Variants in RAP1GAP2 observed in about 807,000 individuals in gnomAD.
RAP1GAP2 encodes the protein RAP1 GTPase activating protein 2.
In RAP1GAP2, 27 loss-of-function variants were observed where a neutral mutation model predicts 95.0. That is an observed-to-expected ratio of 0.28 (90% CI 0.21 to 0.39). The LOEUF is 0.39. Ranked by LOEUF, RAP1GAP2 falls within the 10% of genes least tolerant of loss-of-function variation. The pLI is 1.00. For synonymous variants in RAP1GAP2, 373 were observed against 380.9 expected (o/e 0.98, Z 0.24); for missense variants, 771 against 970.0 (o/e 0.79, Z 2.72).
chr17:2,791,700 A>G (rs753066073), upstream of RAP1GAP2, among the ~76,000 whole-genome samples: 2 of 152,044 alleles, frequency 1.3e-5, no homozygotes, highest in Non-Finnish European at 2.9e-5. Context: ...CAGGAGACTC[A>G]CAGATGCCGG....
Position 3,005,733 on chromosome 17 carries a change from G to A in RAP1GAP2, c.1273-222G>A, listed in dbSNP as rs1302921063. Among the ~76,000 whole-genome samples the A allele has an allele frequency of 6.6e-6, 1 of 152,184 alleles. No individual in the cohort carries two copies. Among genetic ancestry groups the A allele is most frequent in the Non-Finnish European group, 1.5e-5 (1 of 68,040 alleles). On this transcript the variant is annotated intron_variant, in intron 15 of 24. Coordinates refer to ENST00000254695, the MANE Select transcript of RAP1GAP2 (RefSeq NM_015085.5). The surrounding 1 kb of genome is among the most constrained non-coding windows in gnomAD (Gnocchi z 5.2). ...GAGCCTTGGGCAGGAATGAGCTCCA[G>A]TCGTGGAAGTGCCACTGTGGCTTCC...
Position 2,999,854 on chromosome 17 carries a change from T to G in RAP1GAP2, c.1200+1478T>G, listed in dbSNP as rs528654465. Among the ~76,000 whole-genome samples the G allele has an allele frequency of 4.6e-5, 7 of 151,998 alleles. No homozygotes were observed. In the East Asian group the frequency reaches 1.2e-3, roughly 25 times the overall value. The stretch of plus-strand genomic sequence containing the variant: ...CAGAAACCCAATAGCAACCCCCTCC[T>G]GTTGAGGCTGATTCCTTCATGCCCA... On this transcript the variant is annotated intron_variant, in intron 14 of 24. Coordinates refer to ENST00000254695, the MANE Select transcript of RAP1GAP2 (RefSeq NM_015085.5).
At chr17:2,995,279 G>C in intron 12 of RAP1GAP2, 58 bp from the exon 13 acceptor site, 2 of 1,562,944 alleles carry the variant, frequency 1.3e-6, no homozygotes, top group Non-Finnish European at 1.8e-6. Flanking sequence ...CTTGCATTAA[G>C]TTGCCCACTT....
rs914613258 is a variant in RAP1GAP2, at chr17:2,870,406, C to G, written c.81-34878C>G. Among the ~76,000 whole-genome samples, 1 of 152,002 alleles carries G rather than the reference C, an allele frequency of 6.6e-6. No homozygotes were observed. The highest frequency in any genetic ancestry group is 2.4e-5 in the African/African-American group (1 of 41,366). On this transcript the variant is annotated intron_variant, in intron 2 of 24. Coordinates refer to ENST00000254695, the MANE Select transcript of RAP1GAP2 (RefSeq NM_015085.5). This position sits in a 1 kb window ranked among gnomAD's most constrained non-coding sequence, Gnocchi z 4.4. ...TGCTGGGATTACAGGCATGAGCCAC[C>G]GTGCCCTGCCTGACAATCTGGTTTT...
At chr17:2,952,810 T>G (rs1265886767) in intron 3 of RAP1GAP2, among the ~76,000 whole-genome samples, 1 of 136,856 alleles carries the variant, frequency 7.3e-6, no homozygotes, top group African/African-American at 3.4e-5. Context: ...CATTTTTCTG[T>G]TTTTTTTTTC....
At chr17:2,799,852 C>T (rs1223552616) in intron 1 of RAP1GAP2, among the ~76,000 whole-genome samples, 3 of 152,186 alleles carry the variant, frequency 2.0e-5, no homozygotes, top group Non-Finnish European at 4.4e-5. Flanking sequence ...CTCAGCGGCG[C>T]TGTCTCCCCT....
intron 2 of RAP1GAP2, among the ~76,000 whole-genome samples, chr17:2,818,983 C>T (rs1235441946): frequency 3.3e-5 from 5 of 151,436 alleles, no homozygotes; most frequent in African/African-American, 1.2e-4. Context: ...TTACCATTAT[C>T]GTTCTGCATG....
chr17:3,017,916 C>CAT (rs71377570), intron 17 of RAP1GAP2, 145 bp from the exon 18 acceptor site: 17 of 562,126 alleles, frequency 3.0e-5, no homozygotes, highest in Non-Finnish European at 5.0e-5. Context: ...CCTCTGTGAC[C>CAT]GTGTGTGTGT....
intron 2 of RAP1GAP2, among the ~76,000 whole-genome samples, chr17:2,893,970 G>A (rs2151703584): frequency 6.6e-6 from 1 of 152,328 alleles, no homozygotes; most frequent in African/African-American, 2.4e-5. Context: ...CCCTTGGAGG[G>A]CTCCTGTTCA....
Position 2,758,641 on chromosome 17 carries a change from A to G in RAP1GAP2, c.50+2874A>G, listed in dbSNP as rs570117887. 8.5e-5 allele frequency among the ~76,000 whole-genome samples: 13 copies of G among 152,216 alleles called. No homozygotes were observed. In the South Asian group the frequency reaches 1.7e-3, roughly 19 times the overall value. On this transcript the variant is annotated intron_variant, in intron 1 of 25. Coordinates refer to the RAP1GAP2 transcript ENST00000637138. ...TCTCAATCCATGCCATGCTCCAGCCATGGCCAGCCATGCTCCAGCTGTGGC... is the reference window on the plus strand; with the variant it reads ...TCTCAATCCATGCCATGCTCCAGCCGTGGCCAGCCATGCTCCAGCTGTGGC...
Position 2,905,363 on chromosome 17 carries a change from A to G in RAP1GAP2, c.160A>G (p.Met54Val), listed in dbSNP as rs765537023. 4 of 1,612,842 alleles carry G rather than the reference A, an allele frequency of 2.5e-6. No homozygotes were observed. Among genetic ancestry groups the G allele is most frequent in the South Asian group, 1.1e-5 (1 of 91,056 alleles). The change falls in exon 3 of 25, where the codon ATG becomes GTG. Residue 54 changes from methionine to valine, a missense_variant. Coordinates refer to ENST00000254695, the MANE Select transcript of RAP1GAP2 (RefSeq NM_015085.5). ...LSPPLTAPPT[M>V]KSSEFFEMLE... The stretch of plus-strand genomic sequence containing the variant: ...CCCTCCTCTCACGGCACCTCCCACC[A>G]TGAAGGTAAGAGGCTTCGATTCAGG...
intron 2 of RAP1GAP2, among the ~76,000 whole-genome samples, chr17:2,860,804 C>T (rs1309224095): frequency 6.6e-6 from 1 of 151,794 alleles, no homozygotes; most frequent in African/African-American, 2.4e-5. Flanking sequence ...TGGGGTTTCA[C>T]CATGTTGGCC....
intron 2 of RAP1GAP2, among the ~76,000 whole-genome samples, chr17:2,856,253 A>G (rs2151606878): frequency 6.6e-6 from 1 of 152,298 alleles, no homozygotes; most frequent in South Asian, 2.1e-4. Flanking sequence ...TTCTGAGTAT[A>G]GAATGGGTGG....
In RAP1GAP2 at chr17:2,825,152, T is replaced by G. The variant is rs1243892416; in HGVS notation, c.80+24602T>G. On this transcript the variant is annotated intron_variant, in intron 2 of 24. Coordinates refer to ENST00000254695, the MANE Select transcript of RAP1GAP2 (RefSeq NM_015085.5). This position sits in a 1 kb window ranked among gnomAD's most constrained non-coding sequence, Gnocchi z 4.1. ...TCTTGCTATGCTGTCCAGGCTGGTC[T>G]TGAACTCCTGGCCTCAAGTGATCCT... Among the ~76,000 whole-genome samples the G allele has an allele frequency of 6.6e-6, 1 of 152,126 alleles. No homozygotes were observed. Among genetic ancestry groups the G allele is most frequent in the Non-Finnish European group, 1.5e-5 (1 of 68,034 alleles).
intron 2 of RAP1GAP2, among the ~76,000 whole-genome samples, chr17:2,826,736 G>T (rs9674692): frequency 0.39 from 59,324 of 151,984 alleles, 13,013 homozygotes; most frequent in African/African-American, 0.58. Flanking sequence ...GGCCGGGCGC[G>T]GTGGCTCACG....
chr17:2,989,540 C>T lies in RAP1GAP2; in HGVS notation c.814-1757C>T, dbSNP rs536210813. On this transcript the variant is annotated intron_variant, in intron 11 of 24. Transcript: ENST00000254695. ...TAGAGACTGGGTTTTGCCATGTTGG[C>T]CAGGCTGGTTTCGAACTCTGGACCT... Among the ~76,000 whole-genome samples the T allele has an allele frequency of 7.2e-5, 11 of 152,266 alleles. 1 individual carries two copies. In the South Asian group the frequency reaches 2.3e-3, roughly 32 times the overall value.
intron 16 of RAP1GAP2, among the ~76,000 whole-genome samples, 168 bp from the exon 17 acceptor site, chr17:3,007,843 C>G (rs545124492): frequency 8.5e-4 from 129 of 152,274 alleles, no homozygotes; most frequent in Non-Finnish European, 1.4e-3. Flanking sequence ...TTCATCTTAG[C>G]TGCAGCATTT....
chr17:2,920,450 T>A (rs1368397338), intron 3 of RAP1GAP2, among the ~76,000 whole-genome samples: 1 of 151,558 alleles, frequency 6.6e-6, no homozygotes, highest in African/African-American at 2.4e-5. Flanking sequence ...AGCCCCTGGG[T>A]CTGTGACATC....
At chr17:2,991,098 G>C (rs1423713374) in intron 11 of RAP1GAP2, among the ~76,000 whole-genome samples, 199 bp from the exon 12 acceptor site, 1 of 152,048 alleles carries the variant, frequency 6.6e-6, no homozygotes, top group Non-Finnish European at 1.5e-5. Flanking sequence ...ACCCGCCTCA[G>C]CCTCCCAAAG....
Sources: allele counts gnomAD v4.1 joint callset (sites outside exome capture counted in the v4.1 genomes callset), GRCh38; gene constraint gnomAD v4.1.1; non-coding constraint Gnocchi (gnomAD v3.1); transcripts MANE v1.5; gene names NCBI Gene and HGNC (gene_info 2026-07-23, HGNC 2026-07-21).